Variants in PRCD observed in about 807,000 individuals in gnomAD.
PRCD encodes the protein photoreceptor disc component.
PRCD carries 12 observed loss-of-function variants against 10.1 expected under a neutral mutation model. That is an observed-to-expected ratio of 1.18 (90% CI 0.76 to 1.92). PRCD has a LOEUF of 1.92. Ranked by LOEUF, PRCD falls within the 40% of genes most tolerant of loss-of-function variation. PRCD has a pLI of 0.00. For synonymous variants in PRCD, 31 were observed against 26.2 expected (o/e 1.18, Z -0.56); for missense variants, 61 against 72.2 (o/e 0.84, Z 0.56).
In PRCD at chr17:76,544,202, C is replaced by G. The variant is rs1343571342; in HGVS notation, c.*552C>G. The G allele has an allele frequency of 4.4e-6, 2 of 454,550 alleles. No homozygotes were observed. The highest frequency in any genetic ancestry group is 8.8e-6 in the Non-Finnish European group (2 of 226,804). The allele number at this position is 454,550 out of a possible 1,614,324, so 28.2% of individuals were successfully genotyped here. On this transcript the variant is annotated 3_prime_UTR_variant, in exon 5 of 5. Coordinates refer to ENST00000592014, the MANE Select transcript of PRCD (RefSeq NM_001077620.3). ...TATTAGTCTTCAAAAACCCCCCGTGCCTCTGTGCACACGCGTCTCTCCTCC... is the reference window on the plus strand; with the variant it reads ...TATTAGTCTTCAAAAACCCCCCGTGGCTCTGTGCACACGCGTCTCTCCTCC...
downstream of PRCD, among the ~76,000 whole-genome samples, chr17:76,548,216 C>T (rs2075074669): frequency 6.6e-6 from 1 of 151,890 alleles, no homozygotes; most frequent in Non-Finnish European, 1.5e-5. Context: ...GACATATACA[C>T]TTATAGACAC....
downstream of PRCD, among the ~76,000 whole-genome samples, chr17:76,549,683 G>C (rs1013271205): frequency 1.3e-5 from 2 of 152,162 alleles, no homozygotes; most frequent in Non-Finnish European, 2.9e-5. Flanking sequence ...AATATTCCTC[G>C]ACGTGGGAAC....
At chr17:76,548,226 C>G (rs2075074891), downstream of PRCD, among the ~76,000 whole-genome samples, 1 of 151,942 alleles carries the variant, frequency 6.6e-6, no homozygotes, top group Non-Finnish European at 1.5e-5. Context: ...CTTATAGACA[C>G]ACATAGCATA....
chr17:76,544,919 G>A lies in PRCD; in HGVS notation c.*1269G>A, dbSNP rs1381883770. 6.6e-6 allele frequency: 3 copies of A among 456,662 alleles called. No individual in the cohort carries two copies. Among genetic ancestry groups the A allele is most frequent in the Admixed American group, 2.3e-5 (1 of 42,570 alleles). 28.3% of individuals were successfully genotyped at this position (456,662 alleles called of 1,614,324 possible). The stretch of plus-strand genomic sequence containing the variant: ...CCACGCCACTGTTCCGAGAACCTGC[G>A]CAGGAGGTGGTGGCTGCTCCAGGGA... On this transcript the variant is annotated 3_prime_UTR_variant, in exon 5 of 5. Coordinates refer to ENST00000592014, the MANE Select transcript of PRCD (RefSeq NM_001077620.3).
At chr17:76,529,362 C>T in intron 1 of PRCD, 1 of 985,428 alleles carries the variant, frequency 1.0e-6, no homozygotes, top group Non-Finnish European at 1.2e-6. Context: ...TCCATTCAGT[C>T]CACAAGGAGC....
upstream of PRCD, chr17:76,537,499 C>T (rs1162789890): frequency 1.3e-6 from 2 of 1,579,446 alleles, no homozygotes; most frequent in Admixed American, 3.5e-5. Flanking sequence ...CTCCTCGCTC[C>T]GCTCCCTGCG....
chr17:76,539,138 G>T (rs1040423963), upstream of PRCD, among the ~76,000 whole-genome samples: 2 of 152,026 alleles, frequency 1.3e-5, no homozygotes, highest in African/African-American at 2.4e-5. Flanking sequence ...GGAGGGGAGC[G>T]GGTGGGTTCA....
At chr17:76,546,470 G>C (rs2075055018), downstream of PRCD, 1 of 151,386 alleles carries the variant, frequency 6.6e-6, no homozygotes, top group Admixed American at 6.6e-5. This position sits in a 1 kb window ranked among gnomAD's most constrained non-coding sequence, Gnocchi z 4.5. Flanking sequence ...GTGTGTGTGT[G>C]TGCGCGCAGT....
Position 76,543,922 on chromosome 17 carries a change from A to G in PRCD, c.*272A>G. 1 of 470,624 alleles carries G rather than the reference A, an allele frequency of 2.1e-6. No homozygotes were observed. Among genetic ancestry groups the G allele is most frequent in the Non-Finnish European group, 4.4e-6 (1 of 227,048 alleles). 29.2% of individuals were successfully genotyped at this position (470,624 alleles called of 1,614,324 possible). On this transcript the variant is annotated 3_prime_UTR_variant, in exon 5 of 5. Transcript: ENST00000592014. ...GAGCAACGGACAGCTTGTCCTCCGA[A>G]TGTGTTTTCTGTATGTGTGCAAGCG... is the stretch of plus-strand genomic sequence containing the variant.
At chr17:76,552,949 ATACATATATATGTGTGT>A (rs2075125307) in intron 1 of PRCD, 1 of 148,864 alleles carries the variant, frequency 6.7e-6, no homozygotes, top group South Asian at 2.1e-4. Context: ...GTATACATGT[ATACATATATATGTGTGT>A]GTATATATAT....
chr17:76,528,114 A>G lies in PRCD; in HGVS notation n.45+281A>G, dbSNP rs966644682. The G allele has an allele frequency of 3.7e-5, 15 of 408,950 alleles. No homozygotes were observed. The highest frequency in any genetic ancestry group is 5.7e-5 in the Non-Finnish European group (13 of 229,028). The allele number at this position is 408,950 out of a possible 1,614,324, so 25.3% of individuals were successfully genotyped here. ...CCGCGGATACACATTCTAGATATGT[A>G]TGTGTGTATATATATATGTATATAT... On this transcript the variant is annotated intron_variant and non_coding_transcript_variant, in intron 1 of 4. Transcript: ENST00000397633. This position sits in a 1 kb window ranked among gnomAD's most constrained non-coding sequence, Gnocchi z 5.8.
rs772708999 is a variant in PRCD at position 76,542,582 on chromosome 17, C to A, written c.*8C>A. On this transcript the variant is annotated 3_prime_UTR_variant, in exon 3 of 5. Coordinates refer to ENST00000592014, the MANE Select transcript of PRCD (RefSeq NM_001077620.3). ...AAAGAACCTCTGAAGTAAGCCCTCA[C>A]CTCTGCAGGTGGGGCTCAGGCCCAG... The A allele has an allele frequency of 1.2e-6, 2 of 1,614,188 alleles. No homozygotes were observed. The highest frequency in any genetic ancestry group is 2.2e-5 in the South Asian group (2 of 91,092).
chr17:76,529,493 G>C, intron 1 of PRCD: 1 of 985,464 alleles, frequency 1.0e-6, no homozygotes, highest in Non-Finnish European at 1.2e-6. Flanking sequence ...CTTGGGCCAT[G>C]TGTTTCTGAT....
At chr17:76,552,875 AAAAAAAATAT>A (rs1468200235) in intron 1 of PRCD, 5 of 127,816 alleles carry the variant, frequency 3.9e-5, no homozygotes, top group African/African-American at 1.6e-4. Context: ...AAAAAAAAAA[AAAAAAAATAT>A]ATATATATAT....
Position 76,540,693 on chromosome 17 carries a change from T to A in PRCD, c.143+120T>A. 1 of 988,912 alleles carries A rather than the reference T, an allele frequency of 1.0e-6. No individual in the cohort carries two copies. The highest frequency in any genetic ancestry group is 1.6e-5 in the African/African-American group (1 of 62,626). The allele number at this position is 988,912 out of a possible 1,614,324, so 61.3% of individuals were successfully genotyped here. The stretch of plus-strand genomic sequence containing the variant: ...TGTGCGTGCACCGTATCCTGGCCCT[T>A]GCCCTAAGCACCCTGCTCCCTGTCC... On this transcript the variant is annotated intron_variant, in intron 2 of 4. Transcript: ENST00000592014. The surrounding 1 kb of genome is among the most constrained non-coding windows in gnomAD (Gnocchi z 5.0).
In PRCD at chr17:76,531,281, C is replaced by G; in HGVS notation, n.45+3448C>G. 3.3e-6 allele frequency: 4 copies of G among 1,224,218 alleles called. No individual in the cohort carries two copies. Among genetic ancestry groups the G allele is most frequent in the Non-Finnish European group, 4.5e-6 (4 of 880,024 alleles). The allele number at this position is 1,224,218 out of a possible 1,614,324, so 75.8% of individuals were successfully genotyped here. On this transcript the variant is annotated intron_variant and non_coding_transcript_variant, in intron 1 of 4. Transcript: ENST00000397633. The surrounding 1 kb of genome is among the most constrained non-coding windows in gnomAD (Gnocchi z 7.4). ...GGCAGCTTTGGGAACCCCGTGCTCTCAGGACAAGGGTTGCCCTGGACCCAG... is the reference window on the plus strand; with the variant it reads ...GGCAGCTTTGGGAACCCCGTGCTCTGAGGACAAGGGTTGCCCTGGACCCAG...
chr17:76,539,441 TTTA>T (rs2074960954), upstream of PRCD, among the ~76,000 whole-genome samples: 1 of 152,214 alleles, frequency 6.6e-6, no homozygotes, highest in Non-Finnish European at 1.5e-5. Context: ...AATTCTGCCT[TTTA>T]CTGAAGAGGG....
chr17:76,540,163 C>T lies in PRCD; in HGVS notation c.22C>T (p.Leu8Phe), dbSNP rs1266869171. Residue 8 changes from leucine to phenylalanine, a missense_variant, in exon 1 of 5, where the codon CTC (leucine) becomes TTC (phenylalanine). Coordinates refer to ENST00000592014, the MANE Select transcript of PRCD (RefSeq NM_001077620.3). The surrounding 1 kb of genome is among the most constrained non-coding windows in gnomAD (Gnocchi z 5.0). Reference protein sequence around the residue: MCTTLFLLSTLAMLWRRR... With the variant: MCTTLFLFSTLAMLWRRR... The stretch of plus-strand genomic sequence containing the variant: ...CGCCATGTGCACCACCCTTTTCCTG[C>T]TCAGCACCCTGGCCATGCTCTGGCG... 2 of 1,607,230 alleles carry T rather than the reference C, an allele frequency of 1.2e-6. No homozygotes were observed. Among genetic ancestry groups the T allele is most frequent in the South Asian group, 1.1e-5 (1 of 89,658 alleles).
chr17:76,530,999 C>G lies in PRCD; in HGVS notation n.45+3166C>G, dbSNP rs768646733. 1 of 1,610,568 alleles carries G rather than the reference C, an allele frequency of 6.2e-7. No individual in the cohort carries two copies. Among genetic ancestry groups the G allele is most frequent in the Non-Finnish European group, 8.5e-7 (1 of 1,178,334 alleles). ...CTCACGTGGTGGCGTTGGGGACCTG[C>G]TGCACCCAGCCCACTTCCTTGTAGG... On this transcript the variant is annotated intron_variant and non_coding_transcript_variant, in intron 1 of 4. Transcript: ENST00000397633. This position sits in a 1 kb window ranked among gnomAD's most constrained non-coding sequence, Gnocchi z 6.1.
Sources: gnomAD v4.1 joint callset for allele counts (sites outside exome capture counted in the v4.1 genomes callset) on GRCh38, gnomAD v4.1.1 for gene constraint, Gnocchi (gnomAD v3.1) non-coding constraint, MANE v1.5 for transcripts, NCBI Gene and HGNC (gene_info 2026-07-23, HGNC 2026-07-21) for gene names.